EML1: variants seen among roughly 807,000 people sequenced by gnomAD.
EML1 encodes the protein EMAP like 1, also known as echinoderm microtubule-associated protein-like 1.
EML1 carries 27 observed loss-of-function variants against 110.4 expected under a neutral mutation model. The ratio of observed to expected loss-of-function variants is 0.24; its 90% CI spans 0.18 to 0.34. The LOEUF is 0.34. Ranked by LOEUF, EML1 falls within the 10% of genes least tolerant of loss-of-function variation. EML1 has a pLI of 1.00. For missense variants in EML1, 741 were observed against 1,030.9 expected, an observed-to-expected ratio of 0.72 and a Z score of 3.85; for synonymous variants, 344 against 385.8, an observed-to-expected ratio of 0.89 and a Z score of 1.27.
At chr14:99,884,408 C>T (rs1198268544) in intron 4 of EML1, among the ~76,000 whole-genome samples, 7 of 152,180 alleles carry the variant, frequency 4.6e-5, no homozygotes, top group African/African-American at 1.7e-4. Flanking sequence ...GTGTACAGAA[C>T]GTAGTCCAAG....
intron 1 of EML1, among the ~76,000 whole-genome samples, chr14:99,846,281 ATTT>A (rs1251744096): frequency 9.1e-6 from 1 of 109,992 alleles, no homozygotes. Context: ...CCAGCTGGTG[ATTT>A]TTTTTTTTTT....
rs1462735914 is a variant in EML1, at chr14:99,939,851, C to A, written c.2323-136C>A. 2 of 1,110,186 alleles carry A rather than the reference C, an allele frequency of 1.8e-6. No homozygotes were observed. The highest frequency in any genetic ancestry group is 2.5e-6 in the Non-Finnish European group (2 of 803,990). 68.8% of individuals were successfully genotyped at this position (1,110,186 alleles called of 1,614,324 possible). On this transcript the variant is annotated intron_variant, in intron 21 of 21. Coordinates refer to ENST00000262233, the MANE Select transcript of EML1 (RefSeq NM_004434.3). The surrounding 1 kb of genome is among the most constrained non-coding windows in gnomAD (Gnocchi z 4.2). ...TGTCCCTTCTGTGTCACACACAGAG[C>A]AGGTTCCCAAGTGAGAGCTGCCGAG...
At chr14:99,770,377 T>TCTA (rs2057411413), upstream of EML1, among the ~76,000 whole-genome samples, 4 of 150,186 alleles carry the variant, frequency 2.7e-5, no homozygotes, top group Admixed American at 6.6e-5. Flanking sequence ...AAAAATTTCT[T>TCTA]TCTATCTATC....
chr14:99,754,063 C>T (rs71422786), intron 1 of EML1, among the ~76,000 whole-genome samples: 7,209 of 152,318 alleles, frequency 0.047, 232 homozygotes, highest in Non-Finnish European at 0.068. Flanking sequence ...TGGATAAATC[C>T]TTCCCCTCTC....
upstream of EML1, among the ~76,000 whole-genome samples, chr14:99,770,709 G>A (rs1164290703): frequency 6.6e-6 from 1 of 150,894 alleles, no homozygotes; most frequent in East Asian, 2.0e-4. Flanking sequence ...ACAGGGCCTT[G>A]AACATAGTAG....
At chr14:99,822,050 T>G (rs1334527080) in intron 1 of EML1, among the ~76,000 whole-genome samples, 1 of 152,168 alleles carries the variant, frequency 6.6e-6, no homozygotes, top group Non-Finnish European at 1.5e-5. Flanking sequence ...AGATGAGGGA[T>G]CCGATCGGTT....
intron 3 of EML1, among the ~76,000 whole-genome samples, chr14:99,877,533 G>A (rs1429046124): frequency 6.6e-6 from 1 of 151,980 alleles, no homozygotes. Flanking sequence ...CCGGAATTTC[G>A]CAGTCTTTGG....
At chr14:99,878,367 G>C (rs2059328848) in intron 3 of EML1, 118 bp from the exon 4 acceptor site, 1 of 1,436,830 alleles carries the variant, frequency 7.0e-7, no homozygotes, top group Non-Finnish European at 9.3e-7. Flanking sequence ...CCGTTGCTAG[G>C]CCTGTCTTTT....
intron 1 of EML1, among the ~76,000 whole-genome samples, chr14:99,743,303 T>C (rs1198713612): frequency 6.6e-6 from 1 of 152,096 alleles, no homozygotes; most frequent in Non-Finnish European, 1.5e-5. Flanking sequence ...GAGGCCTGCC[T>C]CCTCCAGGGA....
chr14:99,740,171 A>T (rs1283863681), intron 1 of EML1, among the ~76,000 whole-genome samples: 1 of 152,128 alleles, frequency 6.6e-6, no homozygotes, highest in Admixed American at 6.5e-5. Flanking sequence ...TGTTTTGTTT[A>T]TTACCTGGAG....
chr14:99,809,903 C>A (rs969565035), intron 1 of EML1, among the ~76,000 whole-genome samples: 2 of 152,182 alleles, frequency 1.3e-5, no homozygotes, highest in Admixed American at 1.3e-4. Flanking sequence ...CCTGGACTTC[C>A]GTTTTAAAGT....
intron 1 of EML1, among the ~76,000 whole-genome samples, chr14:99,765,199 C>T (rs2057355475): frequency 6.6e-6 from 1 of 152,116 alleles, no homozygotes; most frequent in South Asian, 2.1e-4. Flanking sequence ...TCTCGGCCTC[C>T]CAAAGTGCTG....
intron 1 of EML1, among the ~76,000 whole-genome samples, chr14:99,826,004 A>T (rs2058345295): frequency 6.6e-6 from 1 of 152,122 alleles, no homozygotes; most frequent in Admixed American, 6.5e-5. Context: ...GGGCCGTTGT[A>T]CAACAGTAGG....
intron 1 of EML1, chr14:99,850,210 T>A: frequency 1.8e-6 from 2 of 1,105,194 alleles, no homozygotes; most frequent in Non-Finnish European, 2.4e-6. Flanking sequence ...AAGTGTTCTC[T>A]GTGTTCTCTG....
chr14:99,844,087 C>T (rs1217828612), intron 1 of EML1, among the ~76,000 whole-genome samples: 1 of 152,166 alleles, frequency 6.6e-6, no homozygotes, highest in Non-Finnish European at 1.5e-5. Flanking sequence ...CAGTCTCTTT[C>T]CCTTGAGCAA....
intron 1 of EML1, among the ~76,000 whole-genome samples, chr14:99,815,878 A>G (rs936804811): frequency 6.6e-6 from 1 of 152,202 alleles, no homozygotes; most frequent in African/African-American, 2.4e-5. Flanking sequence ...GCTCAGAGGT[A>G]AAGGGCGGCT....
chr14:99,739,091 T>TGTGA (rs112232539), intron 1 of EML1, among the ~76,000 whole-genome samples: 109 of 136,496 alleles, frequency 8.0e-4, no homozygotes, highest in African/African-American at 2.8e-3. Flanking sequence ...TGTGTGTGTG[T>TGTGA]GAGAGAGAGA....
intron 1 of EML1, among the ~76,000 whole-genome samples, chr14:99,785,297 C>T (rs1205701084): frequency 6.6e-6 from 1 of 152,144 alleles, no homozygotes; most frequent in African/African-American, 2.4e-5. Context: ...TCAGGTGATC[C>T]ACCTGCCTTG....
intron 2 of EML1, among the ~76,000 whole-genome samples, chr14:99,863,293 C>T (rs572125059): frequency 5.3e-5 from 8 of 152,328 alleles, no homozygotes; most frequent in Admixed American, 2.0e-4. Flanking sequence ...TCCTGCCCCC[C>T]ACTACCTTCA....
Sources: allele counts gnomAD v4.1 joint callset (sites outside exome capture counted in the v4.1 genomes callset), GRCh38; gene constraint gnomAD v4.1.1; non-coding constraint Gnocchi (gnomAD v3.1); transcripts MANE v1.5; gene names NCBI Gene and HGNC (gene_info 2026-07-23, HGNC 2026-07-21).